Variants in PCMTD1 observed in about 807,000 individuals in gnomAD.
PCMTD1 encodes the protein protein-L-isoaspartate (D-aspartate) O-methyltransferase domain containing 1, also known as protein-L-isoaspartate O-methyltransferase domain-containing protein 1.
A neutral mutation model predicts 37.6 loss-of-function variants in PCMTD1; 12 were observed. That is an observed-to-expected ratio of 0.32 (90% confidence interval 0.20 to 0.52). The LOEUF is 0.52. Among genes scored for constraint, PCMTD1 ranks in the 20% least tolerant of loss-of-function variants. The probability of loss-of-function intolerance (pLI) is 0.97; values close to 1 mark genes in which losing one functional copy is unlikely to be tolerated. For missense variants in PCMTD1, 235 were observed against 421.3 expected (o/e 0.56, Z 3.87); for synonymous variants, 117 against 135.8 (o/e 0.86, Z 0.96).
intron 3 of PCMTD1, among the ~76,000 whole-genome samples, chr8:51,835,588 C>G (rs920577324): frequency 3.3e-5 from 5 of 152,086 alleles, no homozygotes; most frequent in Admixed American, 1.3e-4. Flanking sequence ...AAAAATTTTA[C>G]AGAAATTCAT....
intron 2 of PCMTD1, chr8:51,849,951 T>C (rs1008112902): frequency 7.7e-6 from 5 of 652,072 alleles, no homozygotes; most frequent in Non-Finnish European, 1.4e-5. Context: ...TGAAGTTCAC[T>C]GTGCCTTTAG....
intron 2 of PCMTD1, among the ~76,000 whole-genome samples, chr8:51,857,897 C>T (rs774758682): frequency 2.6e-5 from 4 of 152,050 alleles, no homozygotes; most frequent in Non-Finnish European, 4.4e-5. Context: ...GAAGCTGAGG[C>T]GGGAGAATCA....
At chr8:51,845,820 CT>C in intron 2 of PCMTD1, 57 bp from the exon 3 acceptor site, 3 of 1,221,522 alleles carry the variant, frequency 2.5e-6, no homozygotes, top group Non-Finnish European at 1.2e-6. Flanking sequence ...TTACAGAGCT[CT>C]TTTTTAAGTT....
At chr8:51,863,520 T>C (rs1251448905) in intron 1 of PCMTD1, among the ~76,000 whole-genome samples, 1 of 152,226 alleles carries the variant, frequency 6.6e-6, no homozygotes, top group East Asian at 1.9e-4. Flanking sequence ...CAGTGGCTCA[T>C]GCCTGTAATG....
chr8:51,835,434 C>A (rs1327962247), intron 3 of PCMTD1, among the ~76,000 whole-genome samples: 1 of 152,086 alleles, frequency 6.6e-6, no homozygotes, highest in Non-Finnish European at 1.5e-5. Context: ...ATGCCATAAT[C>A]TCGGATTGTT....
chr8:51,846,188 A>T (rs1475240738), intron 2 of PCMTD1, among the ~76,000 whole-genome samples: 1 of 152,208 alleles, frequency 6.6e-6, no homozygotes, highest in African/African-American at 2.4e-5. Flanking sequence ...GTCTCAGGGC[A>T]TCGCTACCCC....
chr8:51,850,405 G>A (rs1376232587), intron 2 of PCMTD1, among the ~76,000 whole-genome samples: 1 of 152,104 alleles, frequency 6.6e-6, no homozygotes. Flanking sequence ...ATTTTTAAAA[G>A]TAGATTAAAT....
intron 3 of PCMTD1, among the ~76,000 whole-genome samples, chr8:51,836,057 T>C (rs544356498): frequency 1.4e-4 from 21 of 152,314 alleles, no homozygotes; most frequent in African/African-American, 5.1e-4. Flanking sequence ...CTATATCTAA[T>C]GGAAGAGACA....
At chr8:51,851,287 T>C (rs1274029010) in intron 2 of PCMTD1, among the ~76,000 whole-genome samples, 3 of 152,192 alleles carry the variant, frequency 2.0e-5, no homozygotes, top group Non-Finnish European at 4.4e-5. Flanking sequence ...TCTCAGTCAA[T>C]GGCTATGTAA....
chr8:51,828,287 C>T (rs2037949884), intron 5 of PCMTD1, among the ~76,000 whole-genome samples: 1 of 151,900 alleles, frequency 6.6e-6, no homozygotes, highest in Middle Eastern at 3.2e-3. Context: ...ATAATTTAAA[C>T]AAAATTATCA....
intron 3 of PCMTD1, among the ~76,000 whole-genome samples, chr8:51,836,495 T>C (rs2038068850): frequency 6.6e-6 from 1 of 151,606 alleles, no homozygotes; most frequent in Non-Finnish European, 1.5e-5. Context: ...TTTATTTTCC[T>C]GCTGTCTTTG....
chr8:51,890,273 C>A (rs2038919215), intron 1 of PCMTD1, among the ~76,000 whole-genome samples: 1 of 152,100 alleles, frequency 6.6e-6, no homozygotes, highest in Non-Finnish European at 1.5e-5. Flanking sequence ...TAAAATAATT[C>A]TTTCACAATG....
At chr8:51,890,499 A>C (rs780900903) in intron 1 of PCMTD1, among the ~76,000 whole-genome samples, 2 of 152,342 alleles carry the variant, frequency 1.3e-5, no homozygotes, top group Admixed American at 6.5e-5. Flanking sequence ...AACAGGGATA[A>C]ACCATCCTTC....
intron 5 of PCMTD1, among the ~76,000 whole-genome samples, chr8:51,821,050 C>A (rs1316474094): frequency 6.6e-6 from 1 of 152,074 alleles, no homozygotes; most frequent in Non-Finnish European, 1.5e-5. Flanking sequence ...GAGAGACTAT[C>A]CTGTGTATCT....
At chr8:51,856,970 A>T (rs1156455447) in intron 2 of PCMTD1, among the ~76,000 whole-genome samples, 1 of 152,256 alleles carries the variant, frequency 6.6e-6, no homozygotes, top group African/African-American at 2.4e-5. Flanking sequence ...ACTTGATGGT[A>T]TGTGAATCAT....
chr8:51,863,360 A>T (rs1356292276), intron 1 of PCMTD1, among the ~76,000 whole-genome samples: 2 of 152,240 alleles, frequency 1.3e-5, no homozygotes, highest in Non-Finnish European at 2.9e-5. Flanking sequence ...ACAATCAATC[A>T]AATATGGTCT....
At chr8:51,850,975 G>T (rs999320737) in intron 2 of PCMTD1, among the ~76,000 whole-genome samples, 1 of 152,094 alleles carries the variant, frequency 6.6e-6, no homozygotes, top group African/African-American at 2.4e-5. Context: ...GGTGAATAAA[G>T]GAAAAAGGAG....
chr8:51,855,907 A>T (rs1358235336), intron 2 of PCMTD1, among the ~76,000 whole-genome samples: 2 of 152,100 alleles, frequency 1.3e-5, no homozygotes, highest in African/African-American at 2.4e-5. Flanking sequence ...TGACCTTGTG[A>T]TCCACCCGCC....
intron 3 of PCMTD1, chr8:51,845,191 T>C (rs2038200524): frequency 6.5e-6 from 1 of 153,004 alleles, no homozygotes; most frequent in Non-Finnish European, 1.5e-5. Context: ...TTAACAATCC[T>C]ATCACAAGAT....
Sources: gnomAD v4.1 joint callset for allele counts (sites outside exome capture counted in the v4.1 genomes callset) on GRCh38, gnomAD v4.1.1 for gene constraint, MANE v1.5 for transcripts, NCBI Gene and HGNC (gene_info 2026-07-23, HGNC 2026-07-21) for gene names.